HSPBAP1: variants seen among roughly 807,000 people sequenced by gnomAD.
The protein encoded by HSPBAP1 is HSPB1-associated protein 1.
HSPBAP1 carries 27 observed loss-of-function variants against 45.2 expected under a neutral mutation model. The ratio of observed to expected loss-of-function variants is 0.60; its 90% CI spans 0.44 to 0.82. HSPBAP1 has a LOEUF of 0.82. HSPBAP1 is among the 40% of genes least tolerant of loss of function. The pLI, the probability that HSPBAP1 is intolerant of heterozygous loss-of-function variation, is 0.00. For missense variants in HSPBAP1, 510 were observed against 590.9 expected, an observed-to-expected ratio of 0.86 and a Z score of 1.42; for synonymous variants, 204 against 202.7, an observed-to-expected ratio of 1.01 and a Z score of -0.06.
chr3:122,745,688 A>G (rs974079219), intron 6 of HSPBAP1, among the ~76,000 whole-genome samples: 3 of 152,222 alleles, frequency 2.0e-5, no homozygotes, highest in African/African-American at 7.2e-5. Flanking sequence ...ACTTAATAAT[A>G]GCCCCAAAGT....
chr3:122,779,492 T>TTTTATTTA (rs58626370), intron 1 of HSPBAP1, among the ~76,000 whole-genome samples: 6,040 of 144,370 alleles, frequency 0.042, 194 homozygotes, highest in African/African-American at 0.079. Flanking sequence ...ATATGTTTTC[T>TTTTATTTA]TTTATTTATT....
intron 6 of HSPBAP1, among the ~76,000 whole-genome samples, chr3:122,747,882 A>G (rs1055749645): frequency 1.4e-4 from 21 of 152,134 alleles, no homozygotes; most frequent in Non-Finnish European, 2.9e-4. Context: ...TGGGAGGTGT[A>G]CCCAACAGCT....
chr3:122,763,562 A>C (rs1480031511), intron 3 of HSPBAP1, among the ~76,000 whole-genome samples: 1 of 152,156 alleles, frequency 6.6e-6, no homozygotes, highest in Non-Finnish European at 1.5e-5. Context: ...GCAAATGTCA[A>C]CACTGTGAAA....
At chr3:122,766,818 G>C (rs1425341001) in intron 3 of HSPBAP1, among the ~76,000 whole-genome samples, 1 of 152,080 alleles carries the variant, frequency 6.6e-6, no homozygotes, top group African/African-American at 2.4e-5. Context: ...AACCTCTTTG[G>C]GTCTCATTTT....
At chr3:122,764,416 C>T (rs962624735) in intron 3 of HSPBAP1, among the ~76,000 whole-genome samples, 1 of 152,046 alleles carries the variant, frequency 6.6e-6, no homozygotes, top group Non-Finnish European at 1.5e-5. Flanking sequence ...TCTCTCTGGC[C>T]CTCTACTAGT....
chr3:122,750,959 T>C (rs1934114123), intron 6 of HSPBAP1, among the ~76,000 whole-genome samples: 1 of 152,178 alleles, frequency 6.6e-6, no homozygotes, highest in South Asian at 2.1e-4. Context: ...AAAATCAGCT[T>C]TATAGGTACA....
At chr3:122,782,443 A>G (rs774998615) in intron 1 of HSPBAP1, among the ~76,000 whole-genome samples, 1 of 152,188 alleles carries the variant, frequency 6.6e-6, no homozygotes, top group Non-Finnish European at 1.5e-5. Context: ...AGGATAGTAA[A>G]GATTAGTAAT....
intron 6 of HSPBAP1, among the ~76,000 whole-genome samples, chr3:122,751,289 A>G (rs1387348950): frequency 1.3e-5 from 2 of 152,318 alleles, no homozygotes; most frequent in South Asian, 2.1e-4. Flanking sequence ...TGCTTTTACA[A>G]TGTGTTGTCC....
chr3:122,741,756 C>T (rs1269871727), intron 6 of HSPBAP1: 1 of 151,972 alleles, frequency 6.6e-6, no homozygotes, highest in Non-Finnish European at 1.5e-5. Context: ...GCAAAAGACA[C>T]AATGATAAGC....
rs370824544 is a variant in HSPBAP1 at position 122,740,881 on chromosome 3, G to C, written c.937-6C>G. Reference sequence around the variant, plus strand: ...GCATGGGACGTTTCCTCAACCTAAGGGAAGAGAAAAACCTTTTAAAATGGT... The same window carrying C: ...GCATGGGACGTTTCCTCAACCTAAGCGAAGAGAAAAACCTTTTAAAATGGT... On this transcript the variant is annotated splice_region_variant and splice_polypyrimidine_tract_variant and intron_variant, in intron 7 of 7. Transcript: ENST00000306103. 4.8e-5 allele frequency: 77 copies of C among 1,612,478 alleles called. No individual in the cohort carries two copies. Among genetic ancestry groups the C allele is most frequent in the Non-Finnish European group, 5.9e-5 (70 of 1,179,244 alleles).
At chr3:122,789,371 A>C (rs1327220154) in intron 1 of HSPBAP1, among the ~76,000 whole-genome samples, 1 of 152,254 alleles carries the variant, frequency 6.6e-6, no homozygotes, top group Non-Finnish European at 1.5e-5. Flanking sequence ...CCTCAGTTTG[A>C]AAGATAGAAT....
chr3:122,773,272 T>C (rs1035601655), intron 2 of HSPBAP1, among the ~76,000 whole-genome samples: 1 of 151,622 alleles, frequency 6.6e-6, no homozygotes, highest in African/African-American at 2.4e-5. Context: ...CATGAACGTA[T>C]GTTCAACATC....
intron 1 of HSPBAP1, among the ~76,000 whole-genome samples, chr3:122,783,892 G>A (rs1935572347): frequency 1.3e-5 from 2 of 151,664 alleles, no homozygotes; most frequent in South Asian, 2.1e-4. Context: ...GTGCAGTGGC[G>A]GGATCTCGGC....
chr3:122,767,197 C>A (rs79389463), intron 3 of HSPBAP1, among the ~76,000 whole-genome samples: 3 of 152,176 alleles, frequency 2.0e-5, no homozygotes, highest in African/African-American at 7.2e-5. Context: ...TTTTTAAAAC[C>A]TATGCATTTC....
chr3:122,770,638 C>T (rs1576260267), intron 2 of HSPBAP1, among the ~76,000 whole-genome samples: 1 of 152,050 alleles, frequency 6.6e-6, no homozygotes, highest in East Asian at 1.9e-4. Context: ...GAGGTTGAGG[C>T]TGCAGTGAGT....
intron 6 of HSPBAP1, among the ~76,000 whole-genome samples, chr3:122,750,106 C>G (rs1357786700): frequency 8.6e-5 from 13 of 151,476 alleles, no homozygotes; most frequent in African/African-American, 9.7e-5. Context: ...TCCCGAATAG[C>G]CGGGATTACA....
At chr3:122,780,545 C>T (rs1935405827) in intron 1 of HSPBAP1, among the ~76,000 whole-genome samples, 2 of 133,290 alleles carry the variant, frequency 1.5e-5, no homozygotes, top group Non-Finnish European at 3.1e-5. Context: ...GGCGGCTGGC[C>T]GGACGGGGGG....
At chr3:122,755,028 A>C in intron 5 of HSPBAP1, 1 of 1,191,040 alleles carries the variant, frequency 8.4e-7, no homozygotes, top group Non-Finnish European at 1.0e-6. Flanking sequence ...CCTCTTTACC[A>C]ATAGGAGGAG....
At chr3:122,781,022 C>T (rs1230350034) in intron 1 of HSPBAP1, among the ~76,000 whole-genome samples, 7 of 150,788 alleles carry the variant, frequency 4.6e-5, no homozygotes, top group Non-Finnish European at 8.9e-5. Context: ...GCGCTCCTCA[C>T]TTCCTAGATG....
Sources: allele counts gnomAD v4.1 joint callset (sites outside exome capture counted in the v4.1 genomes callset), GRCh38; gene constraint gnomAD v4.1.1; transcripts MANE v1.5; gene names NCBI Gene and HGNC (gene_info 2026-07-23, HGNC 2026-07-21).